Variants in DTNB observed in about 807,000 individuals in gnomAD.
DTNB encodes the protein dystrobrevin beta, also known as DTN-B.
A neutral mutation model predicts 90.7 loss-of-function variants in DTNB; 63 were observed. The observed-to-expected ratio is 0.69, with a 90% confidence interval of 0.57 to 0.86. DTNB has a LOEUF of 0.86. DTNB is among the 40% of genes least tolerant of loss of function. The pLI is 0.00. For missense variants in DTNB, 744 were observed against 807.1 expected (o/e 0.92, Z 0.95); for synonymous variants, 277 against 286.7 (o/e 0.97, Z 0.34).
In DTNB at chr2:25,519,791, TCA is replaced by T. The variant is rs554487892; in HGVS notation, c.1001+11680_1001+11681del. The stretch of plus-strand genomic sequence containing the variant: ...CAAGATTACAATCTTCCAAACAGGT[TCA>T]GTCTCAGGAGATCAAGATACCTAGA... On this transcript the variant is annotated intron_variant, in intron 9 of 20. Transcript: ENST00000406818. Among the ~76,000 whole-genome samples, 264 of 152,290 alleles carry T rather than the reference TCA, an allele frequency of 1.7e-3. 1 individual carries two copies. Among genetic ancestry groups the T allele is most frequent in the African/African-American group, 6.2e-3 (256 of 41,568 alleles).
intron 9 of DTNB, 69 bp from the exon 10 acceptor site, chr2:25,482,942 G>A (rs1050318054): frequency 6.8e-7 from 1 of 1,461,248 alleles, no homozygotes; most frequent in Non-Finnish European, 9.3e-7. Context: ...ACGACGATAA[G>A]CATGGTAAGA....
chr2:25,672,846 C>T (rs1054769802), intron 1 of DTNB: 2 of 152,220 alleles, frequency 1.3e-5, no homozygotes, highest in African/African-American at 4.8e-5. Context: ...AAGTATTCGT[C>T]ACCGGCATCC....
At chr2:25,422,422 T>G (rs1467014831) in intron 15 of DTNB, among the ~76,000 whole-genome samples, 1 of 114,574 alleles carries the variant, frequency 8.7e-6, no homozygotes, top group African/African-American at 3.2e-5. Flanking sequence ...TTTTTTTTTT[T>G]TGAGATGGAG....
chr2:25,526,871 G>A (rs990218849), intron 9 of DTNB, among the ~76,000 whole-genome samples: 4 of 152,050 alleles, frequency 2.6e-5, no homozygotes, highest in Admixed American at 1.3e-4. Context: ...AAATAAAATG[G>A]TGGAAAAAGT....
chr2:25,554,019 G>A (rs927858384), intron 8 of DTNB, among the ~76,000 whole-genome samples: 6 of 152,120 alleles, frequency 3.9e-5, no homozygotes, highest in African/African-American at 1.4e-4. Flanking sequence ...TGTCATGATA[G>A]CCAATATAAA....
At chr2:25,585,455 T>C (rs1047529163) in intron 6 of DTNB, among the ~76,000 whole-genome samples, 1 of 152,184 alleles carries the variant, frequency 6.6e-6, no homozygotes, top group Non-Finnish European at 1.5e-5. Flanking sequence ...TGCTCTTTGT[T>C]ATTCTAATCT....
At chr2:25,654,963 T>C (rs971575516) in intron 1 of DTNB, among the ~76,000 whole-genome samples, 7 of 152,162 alleles carry the variant, frequency 4.6e-5, no homozygotes, top group East Asian at 3.9e-4. Flanking sequence ...GCACACCAAA[T>C]TGATGCTAAG....
At chr2:25,659,931 T>A (rs2082817943) in intron 1 of DTNB, among the ~76,000 whole-genome samples, 1 of 152,092 alleles carries the variant, frequency 6.6e-6, no homozygotes, top group Non-Finnish European at 1.5e-5. Flanking sequence ...TCATGAACAT[T>A]GTTCATTTTC....
intron 5 of DTNB, among the ~76,000 whole-genome samples, chr2:25,606,127 A>C (rs2067047936): frequency 6.6e-6 from 1 of 152,164 alleles, no homozygotes; most frequent in Non-Finnish European, 1.5e-5. Flanking sequence ...ACACCTATGA[A>C]GTAATCTTGC....
chr2:25,379,404 C>T (rs868653534), intron 19 of DTNB, 81 bp from the exon 20 acceptor site: 1 of 1,276,458 alleles, frequency 7.8e-7, no homozygotes, highest in Middle Eastern at 2.1e-4. Context: ...AAGGGGCTTC[C>T]CTGACCAACC....
At chr2:25,470,299 T>C (rs1023737289) in intron 10 of DTNB, among the ~76,000 whole-genome samples, 3 of 151,712 alleles carry the variant, frequency 2.0e-5, no homozygotes, top group Admixed American at 2.0e-4. Flanking sequence ...AAGGAAACCC[T>C]AGGTAAGTGG....
chr2:25,440,298 A>T (rs1226659453), intron 12 of DTNB, among the ~76,000 whole-genome samples: 3 of 152,252 alleles, frequency 2.0e-5, no homozygotes, highest in Admixed American at 2.0e-4. Context: ...TACGAGGATG[A>T]AAAGAGGGTT....
In DTNB at chr2:25,628,225, C is replaced by T. The variant is rs751383839; in HGVS notation, c.308G>A (p.Ser103Asn). The T allele has an allele frequency of 6.2e-7, 1 of 1,613,336 alleles. No individual in the cohort carries two copies. Among genetic ancestry groups the T allele is most frequent in the Non-Finnish European group, 8.5e-7 (1 of 1,179,854 alleles). The change falls in exon 4 of 21, where the codon AGT becomes AAT. Residue 103 changes from serine (S) to asparagine (N), a missense_variant. Transcript: ENST00000406818. ...GAGGAGGCTGATAGATTGTTCCACA[C>T]TAATTTGGTGAGTAGAAGGAAGGCG... Reference protein sequence around the residue: ...NKRLPSTHQISVEQSISLLLN... With the variant: ...NKRLPSTHQINVEQSISLLLN...
intron 10 of DTNB, among the ~76,000 whole-genome samples, chr2:25,471,274 C>G (rs1452978293): frequency 6.6e-6 from 1 of 152,138 alleles, no homozygotes; most frequent in Non-Finnish European, 1.5e-5. Context: ...CACCACTACT[C>G]ACCTTTCCTG....
intron 6 of DTNB, among the ~76,000 whole-genome samples, chr2:25,590,337 C>T (rs2168012): frequency 0.99 from 151,047 of 152,330 alleles, 74,900 homozygotes; most frequent in East Asian, 1. Flanking sequence ...CCCAGGAAGA[C>T]TGAGGTATGT....
At chr2:25,602,745 A>T (rs2066169749) in intron 5 of DTNB, among the ~76,000 whole-genome samples, 1 of 152,242 alleles carries the variant, frequency 6.6e-6, no homozygotes, top group African/African-American at 2.4e-5. Context: ...CCATTGTGTT[A>T]GAACCCAGAG....
chr2:25,649,636 T>A (rs923975189), intron 2 of DTNB, among the ~76,000 whole-genome samples: 4 of 152,112 alleles, frequency 2.6e-5, no homozygotes, highest in Admixed American at 1.3e-4. Flanking sequence ...GGAGGATCAA[T>A]TGAGCCCTGG....
At chr2:25,564,999 G>A (rs1006900843) in intron 8 of DTNB, among the ~76,000 whole-genome samples, 5 of 151,998 alleles carry the variant, frequency 3.3e-5, no homozygotes, top group Non-Finnish European at 7.4e-5. Context: ...TATCTATAAT[G>A]GTTTTTTGTG....
chr2:25,422,171 A>G (rs2049936708), intron 15 of DTNB, among the ~76,000 whole-genome samples: 1 of 152,102 alleles, frequency 6.6e-6, no homozygotes, highest in Admixed American at 6.5e-5. Context: ...AGGGGGTAAT[A>G]CCTTAATTAT....
Sources: allele counts gnomAD v4.1 joint callset (sites outside exome capture counted in the v4.1 genomes callset), GRCh38; gene constraint gnomAD v4.1.1; transcripts MANE v1.5; gene names NCBI Gene and HGNC (gene_info 2026-07-23, HGNC 2026-07-21).